PXDNL: variants seen among roughly 807,000 people sequenced by gnomAD.
The protein encoded by PXDNL is peroxidasin like, also known as probable oxidoreductase PXDNL.
In PXDNL, 145 loss-of-function variants were observed where a neutral mutation model predicts 150.8. That is an observed-to-expected ratio of 0.96 (90% CI 0.84 to 1.10). The LOEUF (loss-of-function observed/expected upper bound fraction) is 1.10. Ranked by LOEUF, PXDNL falls within the 50% of genes least tolerant of loss-of-function variation. The pLI, the probability that PXDNL is intolerant of heterozygous loss-of-function variation, is 0.00. For synonymous variants in PXDNL, 757 were observed against 725.7 expected, an observed-to-expected ratio of 1.04 and a Z score of -0.69; for missense variants, 2,087 against 1,873.9, an observed-to-expected ratio of 1.11 and a Z score of -2.10.
chr8:51,540,653 ATACT>A (rs535114773), intron 4 of PXDNL, among the ~76,000 whole-genome samples: 123 of 152,270 alleles, frequency 8.1e-4, no homozygotes, highest in African/African-American at 2.8e-3. Context: ...TCGGGGAATG[ATACT>A]TATGTGGTTG....
At position 51,732,325 on chromosome 8, in the gene PXDNL, C is replaced by A. The variant is rs567479366; in HGVS notation, c.164+76856G>T. On this transcript the variant is annotated intron_variant, in intron 1 of 22. Coordinates refer to ENST00000356297, the MANE Select transcript of PXDNL (RefSeq NM_144651.5). ...CTTTGCTAAAACATAGCAACGGTCA[C>A]CTTAATTCCAGTTCCCAACAAGTTC... Among the ~76,000 whole-genome samples, 27 of 152,310 alleles carry A rather than the reference C, an allele frequency of 1.8e-4. No homozygotes were observed. In the South Asian group the frequency reaches 5.6e-3, roughly 32 times the overall value.
chr8:51,600,400 T>A (rs960361809), intron 2 of PXDNL, among the ~76,000 whole-genome samples: 1 of 131,506 alleles, frequency 7.6e-6, no homozygotes, highest in Admixed American at 7.9e-5. Context: ...ATAAATTATA[T>A]CTTATATAAA....
intron 20 of PXDNL, among the ~76,000 whole-genome samples, chr8:51,342,879 C>CAAAAAAAA (rs35948794): frequency 1.1e-5 from 1 of 90,222 alleles, no homozygotes. Flanking sequence ...GATTAAGATT[C>CAAAAAAAA]AAAAAAAAAA....
chr8:51,737,007 A>G (rs886937715), intron 1 of PXDNL, among the ~76,000 whole-genome samples: 7 of 152,194 alleles, frequency 4.6e-5, no homozygotes, highest in Non-Finnish European at 1.0e-4. Flanking sequence ...ACTGGCACAT[A>G]ATACAAAGAA....
In PXDNL at chr8:51,409,188, G is replaced by A. The variant is rs1453645611; in HGVS notation, c.2436C>T (p.His812=). The change falls in exon 17 of 23, where the codon CAC becomes CAT. Residue 812 remains histidine (H), a synonymous_variant. Coordinates refer to ENST00000356297, the MANE Select transcript of PXDNL (RefSeq NM_144651.5). ...MLMHWGWFLE[H]DLDHTVPALS... ...GCGCAGGCACTGTGTGGTCCAAGTCGTGCTCTAGAAACCAGCCCCAGTGCA... is the reference window on the plus strand; with the variant it reads ...GCGCAGGCACTGTGTGGTCCAAGTCATGCTCTAGAAACCAGCCCCAGTGCA... The A allele has an allele frequency of 9.4e-6, 15 of 1,593,192 alleles. No individual in the cohort carries two copies. The highest frequency in any genetic ancestry group is 1.3e-5 in the Non-Finnish European group (15 of 1,174,510).
chr8:51,492,783 A>G (rs6473610), intron 5 of PXDNL, among the ~76,000 whole-genome samples: 55,007 of 152,068 alleles, frequency 0.36, 11,996 homozygotes, highest in African/African-American at 0.61. Context: ...AAAGCAGCCC[A>G]GAAGCTCGAA....
At chr8:51,591,998 C>T (rs141452461) in intron 3 of PXDNL, among the ~76,000 whole-genome samples, 6 of 152,312 alleles carry the variant, frequency 3.9e-5, no homozygotes, top group Non-Finnish European at 7.4e-5. Flanking sequence ...TAGTTTGTTT[C>T]TTCAGCCTCC....
intron 3 of PXDNL, among the ~76,000 whole-genome samples, chr8:51,564,039 TGTC>T (rs1410883077): frequency 2.0e-5 from 3 of 152,116 alleles, no homozygotes; most frequent in Non-Finnish European, 4.4e-5. Context: ...CTACATGAAA[TGTC>T]AAGGAAATTG....
chr8:51,633,768 G>A (rs573490937), intron 2 of PXDNL, among the ~76,000 whole-genome samples: 7 of 152,188 alleles, frequency 4.6e-5, no homozygotes, highest in African/African-American at 9.6e-5. Flanking sequence ...TTTGTTGGCC[G>A]CTTGTATGTC....
chr8:51,723,644 A>C (rs1299759310), intron 1 of PXDNL, among the ~76,000 whole-genome samples: 1 of 152,312 alleles, frequency 6.6e-6, no homozygotes, highest in Non-Finnish European at 1.5e-5. Flanking sequence ...CAGGGTCCCT[A>C]TGTGGCGGGA....
chr8:51,449,701 A>C (rs1293007798), intron 10 of PXDNL, among the ~76,000 whole-genome samples: 1 of 152,224 alleles, frequency 6.6e-6, no homozygotes, highest in East Asian at 1.9e-4. Context: ...ATTCCTGAAA[A>C]GGGATTCTGT....
chr8:51,760,845 C>CTTTTTT lies in PXDNL; in HGVS notation c.164+48330_164+48335dup, dbSNP rs71237237. On this transcript the variant is annotated intron_variant, in intron 1 of 22. Coordinates refer to ENST00000356297, the MANE Select transcript of PXDNL (RefSeq NM_144651.5). The stretch of plus-strand genomic sequence containing the variant: ...GTTAGCCTGAAGGAAATCACTTAAA[C>CTTTTTT]TTTTTTTTTTTTTTTTTTTTTTTTT... 8.9e-3 allele frequency among the ~76,000 whole-genome samples: 404 copies of CTTTTTT among 45,486 alleles called. 94 individuals are homozygous for CTTTTTT. The highest frequency in any genetic ancestry group is 0.021 in the African/African-American group (233 of 11,214). 29.8% of individuals were successfully genotyped at this position (45,486 alleles called of 152,430 possible). A position where few individuals can be genotyped will look rare whatever the true frequency, so the allele number is the denominator to read the frequency against.
chr8:51,798,277 AAGATTTC>A (rs2037583727), intron 1 of PXDNL, among the ~76,000 whole-genome samples: 1 of 152,244 alleles, frequency 6.6e-6, no homozygotes, highest in Non-Finnish European at 1.5e-5. Flanking sequence ...GGCACAGGCA[AAGATTTC>A]ATGATGAAAA....
chr8:51,740,656 T>C (rs1563305832), intron 1 of PXDNL, among the ~76,000 whole-genome samples: 1 of 152,204 alleles, frequency 6.6e-6, no homozygotes, highest in Non-Finnish European at 1.5e-5. Context: ...TCACGTCCTT[T>C]GCCCACTTTT....
chr8:51,472,465 G>T (rs1034572551), intron 7 of PXDNL, among the ~76,000 whole-genome samples, 161 bp from the exon 8 acceptor site: 2 of 152,106 alleles, frequency 1.3e-5, no homozygotes, highest in African/African-American at 2.4e-5. Flanking sequence ...TTAGAGATTA[G>T]ACATATATTT....
chr8:51,423,503 C>A, intron 14 of PXDNL, 72 bp downstream of exon 14: 1 of 1,312,732 alleles, frequency 7.6e-7, no homozygotes, highest in South Asian at 1.5e-5. Flanking sequence ...TGAGATCAGT[C>A]AAATAGGATT....
intron 4 of PXDNL, among the ~76,000 whole-genome samples, chr8:51,503,545 C>G (rs1292667954): frequency 6.6e-6 from 1 of 152,144 alleles, no homozygotes; most frequent in Non-Finnish European, 1.5e-5. Flanking sequence ...GATAAGAGAG[C>G]AAGACTATCC....
rs563086442 is a variant in PXDNL, at chr8:51,409,217, G to C, written c.2407C>G (p.Leu803Val). The C allele has an allele frequency of 1.2e-5, 19 of 1,569,802 alleles. No individual in the cohort carries two copies. The East Asian group carries it at 3.7e-4, about 31-fold the overall frequency. Residue 803 changes from leucine (L) to valine (V), a missense_variant, in exon 17 of 23, where the codon CTC becomes GTC. Transcript: ENST00000356297. Reference protein sequence around the residue: ...VTPDHSYTRMLMHWGWFLEHD... With the variant: ...VTPDHSYTRMVMHWGWFLEHD... Reference sequence around the variant, plus strand: ...TCTAGAAACCAGCCCCAGTGCATGAGCATGCGCGTGTAGCTGTGGTCGGGG... The same window carrying C: ...TCTAGAAACCAGCCCCAGTGCATGACCATGCGCGTGTAGCTGTGGTCGGGG...
At position 51,690,056 on chromosome 8, in the gene PXDNL, C is replaced by A. The variant is rs1369620265; in HGVS notation, c.165-35296G>T. On this transcript the variant is annotated intron_variant, in intron 1 of 22. Transcript: ENST00000356297. ...CTCCTAACCTCTCTGATAATAAAAC[C>A]GAGCTTTTTATATTTTCCTTCGTGC... 4.6e-5 allele frequency among the ~76,000 whole-genome samples: 7 copies of A among 152,216 alleles called. No individual in the cohort carries two copies. The East Asian group carries it at 1.3e-3, about 29-fold the overall frequency.
Sources: gnomAD v4.1 joint callset for allele counts (sites outside exome capture counted in the v4.1 genomes callset) on GRCh38, gnomAD v4.1.1 for gene constraint, MANE v1.5 for transcripts, NCBI Gene and HGNC (gene_info 2026-07-23, HGNC 2026-07-21) for gene names.